Variants in ASTN2 observed in about 807,000 individuals in gnomAD.
ASTN2 encodes astrotactin 2.
Under a neutral mutation model 139.8 loss-of-function variants are expected in ASTN2, and 54 were observed. The observed-to-expected ratio is 0.39, with a 90% CI of 0.31 to 0.48. The LOEUF (loss-of-function observed/expected upper bound fraction) is 0.48, where lower values mean the gene tolerates loss of function less well. ASTN2 is among the 20% of genes least tolerant of loss of function. ASTN2 has a pLI of 0.95. For missense variants in ASTN2, 1,565 were observed against 1,725.1 expected, an observed-to-expected ratio of 0.91 and a Z score of 1.64; for synonymous variants, 756 against 719.5, an observed-to-expected ratio of 1.05 and a Z score of -0.81.
At chr9:116,834,058 A>C (rs115833510) in intron 11 of ASTN2, among the ~76,000 whole-genome samples, 2 of 152,188 alleles carry the variant, frequency 1.3e-5, no homozygotes, top group African/African-American at 4.8e-5. Context: ...CAAAGCACCC[A>C]ATTTATGTTA....
intron 13 of ASTN2, among the ~76,000 whole-genome samples, chr9:116,767,027 AACAC>A (rs769276653): frequency 1.0e-3 from 157 of 151,938 alleles, no homozygotes; most frequent in Non-Finnish European, 2.1e-3. Context: ...CTCACACATA[AACAC>A]ACACAATCAT....
intron 1 of ASTN2, among the ~76,000 whole-genome samples, chr9:117,346,650 T>C (rs1829227906): frequency 1.3e-5 from 2 of 152,188 alleles, no homozygotes; most frequent in South Asian, 2.1e-4. Context: ...GAAAAATAAC[T>C]GTACCATCAT....
intron 3 of ASTN2, among the ~76,000 whole-genome samples, chr9:117,195,052 C>A (rs1831458948): frequency 6.6e-6 from 1 of 152,160 alleles, no homozygotes; most frequent in Non-Finnish European, 1.5e-5. Flanking sequence ...TTGTTTTAAG[C>A]ACAGAACAAA....
chr9:116,633,832 C>T (rs1031116324), intron 17 of ASTN2, among the ~76,000 whole-genome samples: 9 of 152,128 alleles, frequency 5.9e-5, no homozygotes, highest in Admixed American at 4.6e-4. Flanking sequence ...TAGACTCATT[C>T]TGAGTTTACC....
intron 2 of ASTN2, among the ~76,000 whole-genome samples, chr9:117,288,117 G>A (rs997369052): frequency 1.3e-5 from 2 of 152,182 alleles, no homozygotes; most frequent in Non-Finnish European, 2.9e-5. Context: ...AGGGTATGCT[G>A]AAGCTGAGGC....
At chr9:117,121,959 C>A (rs909380316) in intron 4 of ASTN2, among the ~76,000 whole-genome samples, 4 of 152,168 alleles carry the variant, frequency 2.6e-5, no homozygotes, top group African/African-American at 9.7e-5. Context: ...CCAATACCAT[C>A]CCATCAGGCC....
intron 11 of ASTN2, among the ~76,000 whole-genome samples, chr9:116,849,275 T>A (rs1471979580): frequency 1.6e-4 from 24 of 152,134 alleles, no homozygotes; most frequent in Admixed American, 1.6e-3. Flanking sequence ...GGTGATCAAC[T>A]TAACCTTTAA....
intron 1 of ASTN2, among the ~76,000 whole-genome samples, chr9:117,407,120 C>T (rs1441302032): frequency 6.6e-6 from 1 of 152,094 alleles, no homozygotes; most frequent in Non-Finnish European, 1.5e-5. Flanking sequence ...TAAGTTGACA[C>T]CTGAATTCGG....
intron 13 of ASTN2, among the ~76,000 whole-genome samples, chr9:116,768,822 A>T (rs1018006405): frequency 1.3e-5 from 2 of 152,216 alleles, no homozygotes; most frequent in Admixed American, 1.3e-4. Flanking sequence ...AAATAAATTT[A>T]TGTTGTTTAT....
intron 16 of ASTN2, among the ~76,000 whole-genome samples, chr9:116,667,670 AT>A (rs201757756): frequency 0.011 from 1,635 of 152,086 alleles, 13 homozygotes; most frequent in Non-Finnish European, 0.015. Flanking sequence ...ATGAGGGGAG[AT>A]TTTTCATATT....
chr9:117,347,283 T>C (rs993058662), intron 1 of ASTN2, among the ~76,000 whole-genome samples: 1 of 152,044 alleles, frequency 6.6e-6, no homozygotes, highest in Non-Finnish European at 1.5e-5. Flanking sequence ...TAGAAATTCC[T>C]TCATAGATAC....
chr9:117,140,077 A>G (rs1380507941), intron 4 of ASTN2, among the ~76,000 whole-genome samples: 1 of 152,210 alleles, frequency 6.6e-6, no homozygotes, highest in Non-Finnish European at 1.5e-5. Context: ...TTACCACTGT[A>G]CCTGCTTCAT....
At chr9:116,946,936 C>CAAAAAAAAAAAAAAAAAA (rs3983292) in intron 10 of ASTN2, among the ~76,000 whole-genome samples, 5 of 127,940 alleles carry the variant, frequency 3.9e-5, no homozygotes, top group African/African-American at 1.5e-4. Context: ...ACATTTTTGT[C>CAAAAAAAAAAAAAAAAAA]AAAAAAAAAA....
chr9:117,370,725 G>A (rs1315512477), intron 1 of ASTN2, among the ~76,000 whole-genome samples: 1 of 151,818 alleles, frequency 6.6e-6, no homozygotes, highest in African/African-American at 2.4e-5. Flanking sequence ...TTTCCCCCTA[G>A]AGACAGAGTC....
intron 11 of ASTN2, among the ~76,000 whole-genome samples, chr9:116,832,541 T>A (rs1831845974): frequency 6.6e-6 from 1 of 151,212 alleles, no homozygotes; most frequent in African/African-American, 2.4e-5. Context: ...CTATTCTTAT[T>A]TTTTTTTTGA....
intron 2 of ASTN2, among the ~76,000 whole-genome samples, chr9:117,278,222 A>G (rs978800599): frequency 6.6e-6 from 1 of 152,224 alleles, no homozygotes; most frequent in African/African-American, 2.4e-5. Flanking sequence ...ATTGAGGAGA[A>G]CGTTCCAATT....
chr9:116,696,615 T>TACA (rs1263077899), intron 16 of ASTN2, among the ~76,000 whole-genome samples: 18 of 152,210 alleles, frequency 1.2e-4, no homozygotes, highest in South Asian at 4.1e-4. Flanking sequence ...CAGATTGGAA[T>TACA]GACTCCTCAA....
At chr9:116,855,186 T>C (rs569409666) in intron 11 of ASTN2, among the ~76,000 whole-genome samples, 1 of 152,230 alleles carries the variant, frequency 6.6e-6, no homozygotes, top group Admixed American at 6.5e-5. Context: ...TTTAATGTCA[T>C]AAAAGGGTGC....
At chr9:117,043,267 C>G (rs1838633296) in intron 5 of ASTN2, among the ~76,000 whole-genome samples, 1 of 152,082 alleles carries the variant, frequency 6.6e-6, no homozygotes, top group South Asian at 2.1e-4. Flanking sequence ...GAAGATGAGA[C>G]AGGTCCAGAG....
Sources: gnomAD v4.1 joint callset for allele counts (sites outside exome capture counted in the v4.1 genomes callset) on GRCh38, gnomAD v4.1.1 for gene constraint, MANE v1.5 for transcripts, NCBI Gene and HGNC (gene_info 2026-07-23, HGNC 2026-07-21) for gene names.